Variants in KALRN observed in about 807,000 individuals in gnomAD.
KALRN encodes the protein kalirin RhoGEF kinase.
KALRN carries 70 observed loss-of-function variants against 353.7 expected under a neutral mutation model. The ratio of observed to expected loss-of-function variants is 0.20; its 90% CI spans 0.16 to 0.24. The LOEUF (loss-of-function observed/expected upper bound fraction) is 0.24, where lower values mean the gene tolerates loss of function less well. Among genes scored for constraint, KALRN ranks in the 10% least tolerant of loss-of-function variants. The pLI is 1.00. For missense variants in KALRN, 2,791 were observed against 3,756.7 expected (o/e 0.74, Z 6.72); for synonymous variants, 1,391 against 1,434.8 (o/e 0.97, Z 0.69).
chr3:124,181,797 G>C (rs1338743467), intron 1 of KALRN, among the ~76,000 whole-genome samples: 1 of 152,162 alleles, frequency 6.6e-6, no homozygotes, highest in Non-Finnish European at 1.5e-5. Flanking sequence ...GTTCCTAGGA[G>C]GGACAGGAGC....
intron 34 of KALRN, among the ~76,000 whole-genome samples, chr3:124,563,353 C>G (rs761454279): frequency 6.6e-6 from 1 of 152,220 alleles, no homozygotes. Context: ...TAAGTAACCT[C>G]CAAGATCTCT....
chr3:124,394,261 T>G (rs1270604411), intron 11 of KALRN, among the ~76,000 whole-genome samples: 1 of 152,228 alleles, frequency 6.6e-6, no homozygotes, highest in Non-Finnish European at 1.5e-5. Context: ...TTATCTTTCC[T>G]GCTAGTCAGG....
chr3:124,394,445 C>G (rs1206031559), intron 11 of KALRN, among the ~76,000 whole-genome samples: 1 of 152,200 alleles, frequency 6.6e-6, no homozygotes, highest in Non-Finnish European at 1.5e-5. Flanking sequence ...TTTAACTCCT[C>G]ATCATTTCCA....
intron 1 of KALRN, among the ~76,000 whole-genome samples, chr3:124,172,315 C>T (rs2071961647): frequency 6.6e-6 from 1 of 152,126 alleles, no homozygotes. Flanking sequence ...CTTACTCTGT[C>T]ATGATTGTTG....
intron 1 of KALRN, among the ~76,000 whole-genome samples, chr3:124,156,146 T>C (rs1360067278): frequency 6.6e-6 from 1 of 152,204 alleles, no homozygotes; most frequent in African/African-American, 2.4e-5. Context: ...GAATCCCTCC[T>C]CTTAGGGGAC....
intron 5 of KALRN, among the ~76,000 whole-genome samples, chr3:124,291,888 A>G (rs760540229): frequency 2.0e-5 from 3 of 152,200 alleles, no homozygotes; most frequent in Non-Finnish European, 4.4e-5. Flanking sequence ...GCAGAGCTTC[A>G]AGAGATATTT....
chr3:124,698,372 T>C (rs9843925), intron 55 of KALRN, among the ~76,000 whole-genome samples: 8,546 of 152,348 alleles, frequency 0.056, 397 homozygotes, highest in African/African-American at 0.12. Flanking sequence ...TGTTCCTTGT[T>C]GTGTCTTCCA....
At chr3:124,295,305 T>G (rs1255860863) in intron 5 of KALRN, among the ~76,000 whole-genome samples, 4 of 152,178 alleles carry the variant, frequency 2.6e-5, no homozygotes, top group African/African-American at 9.7e-5. Context: ...AAAGCTAAAC[T>G]TTTCCAGAAT....
intron 38 of KALRN, among the ~76,000 whole-genome samples, chr3:124,653,965 C>T (rs1478682438): frequency 1.3e-5 from 2 of 152,174 alleles, no homozygotes; most frequent in Non-Finnish European, 2.9e-5. Context: ...GATGACAGGT[C>T]CACTAGCAGC....
chr3:124,097,746 T>C (rs1428924961), intron 1 of KALRN, among the ~76,000 whole-genome samples: 7 of 152,208 alleles, frequency 4.6e-5, no homozygotes, highest in Non-Finnish European at 1.0e-4. Context: ...ATTTAAAAAA[T>C]AAAGGGTATT....
intron 33 of KALRN, among the ~76,000 whole-genome samples, chr3:124,541,101 CCTAA>C (rs1288004369): frequency 3.3e-5 from 5 of 151,970 alleles, no homozygotes; most frequent in East Asian, 1.9e-4. Context: ...GTTTTTGTTA[CCTAA>C]CTGTCAGAAT....
chr3:124,176,391 A>C (rs1444590301), intron 1 of KALRN, among the ~76,000 whole-genome samples: 1 of 152,268 alleles, frequency 6.6e-6, no homozygotes, highest in East Asian at 1.9e-4. Flanking sequence ...GTCTTGTAAA[A>C]TCCTGGATTG....
intron 33 of KALRN, among the ~76,000 whole-genome samples, chr3:124,543,363 G>A (rs1160415663): frequency 3.3e-5 from 5 of 151,178 alleles, no homozygotes; most frequent in East Asian, 1.9e-4. Context: ...GTGCGGTGGC[G>A]TGATCTCGGC....
In KALRN at chr3:124,423,847, G is replaced by A. The variant is rs549255081; in HGVS notation, c.2709+869G>A. 2.0e-5 allele frequency among the ~76,000 whole-genome samples: 3 copies of A among 152,306 alleles called. No individual in the cohort carries two copies. The South Asian group carries it at 6.2e-4, about 32-fold the overall frequency. ...GATCACATCACTGCACTCCAGCCTG[G>A]ATGACAGTGCAAGACCCTGTTTCCA... On this transcript the variant is annotated intron_variant, in intron 15 of 59. Coordinates refer to ENST00000682506, the MANE Select transcript of KALRN (RefSeq NM_001388419.1).
intron 1 of KALRN, among the ~76,000 whole-genome samples, chr3:124,157,350 T>C (rs1374777066): frequency 6.6e-6 from 1 of 152,204 alleles, no homozygotes; most frequent in East Asian, 1.9e-4. Flanking sequence ...ACTTCCAATT[T>C]CACTTCCTAA....
At position 124,530,002 on chromosome 3, in the gene KALRN, C is replaced by T. The variant is rs556399754; in HGVS notation, c.4936-32841C>T. 2.0e-4 allele frequency among the ~76,000 whole-genome samples: 31 copies of T among 152,238 alleles called. 2 individuals carry two copies. Among genetic ancestry groups the T allele is most frequent in the Middle Eastern group, 3.4e-3 (1 of 294 alleles). On this transcript the variant is annotated intron_variant, in intron 33 of 59. Coordinates refer to ENST00000682506, the MANE Select transcript of KALRN (RefSeq NM_001388419.1). ...TGATTGCAAATGCGCTTCTCTCTGC[C>T]CTGCCCCACCCCCATCTCATTCAAC...
intron 1 of KALRN, chr3:124,132,945 C>G (rs80038878): frequency 0.018 from 2,773 of 154,214 alleles, 98 homozygotes; most frequent in African/African-American, 0.063. Flanking sequence ...TCTCTGTCCT[C>G]TGGAATTTGG....
intron 54 of KALRN, among the ~76,000 whole-genome samples, chr3:124,696,522 A>G (rs1333959600): frequency 6.6e-6 from 1 of 152,220 alleles, no homozygotes; most frequent in African/African-American, 2.4e-5. Context: ...TAAAACACAC[A>G]ATAAAATTTA....
intron 1 of KALRN, among the ~76,000 whole-genome samples, chr3:124,195,984 G>A (rs2075388317): frequency 6.6e-6 from 1 of 152,150 alleles, no homozygotes; most frequent in Non-Finnish European, 1.5e-5. Context: ...TGTCCTCAGG[G>A]CTTGGAACTC....
Sources: gnomAD v4.1 joint callset for allele counts (sites outside exome capture counted in the v4.1 genomes callset) on GRCh38, gnomAD v4.1.1 for gene constraint, MANE v1.5 for transcripts, NCBI Gene and HGNC (gene_info 2026-07-23, HGNC 2026-07-21) for gene names.